PI4KA: variants seen among roughly 807,000 people sequenced by gnomAD.
PI4KA encodes PI4-kinase alpha.
Under a neutral mutation model 271.4 loss-of-function variants are expected in PI4KA, and 122 were observed. The observed-to-expected ratio is 0.45, with a 90% CI of 0.39 to 0.52. The LOEUF is 0.52. Ranked by LOEUF, PI4KA falls within the 20% of genes least tolerant of loss-of-function variation. The pLI is 0.00. For synonymous variants in PI4KA, 1,041 were observed against 1,078.8 expected, an observed-to-expected ratio of 0.96 and a Z score of 0.69; for missense variants, 1,969 against 2,769.1, an observed-to-expected ratio of 0.71 and a Z score of 6.48.
At chr22:20,805,302 T>C in intron 10 of PI4KA, 137 bp from the exon 11 acceptor site, 1 of 611,202 alleles carries the variant, frequency 1.6e-6, no homozygotes. Context: ...CTGTGGGTCC[T>C]AGAATGCCCA....
In PI4KA at chr22:20,729,372, C is replaced by T. The variant is rs1226240597; in HGVS notation, c.4623G>A (p.Lys1541=). The T allele has an allele frequency of 1.2e-6, 2 of 1,614,164 alleles. No individual in the cohort carries two copies. Among genetic ancestry groups the T allele is most frequent in the South Asian group, 1.1e-5 (1 of 91,076 alleles). Residue 1541 remains lysine (K), a synonymous_variant, in exon 39 of 55, where the codon AAG becomes AAA. Transcript: ENST00000255882. ...TGCTCCAGGCGAGGTTCACGTTGTC[C>T]TTCCACTGCTTCTCACTCAGGCTGA... is the stretch of plus-strand genomic sequence containing the variant. ...KYISLSEKQW[K]DNVNLAWSIS...
intron 1 of PI4KA, among the ~76,000 whole-genome samples, chr22:20,840,516 A>C (rs937592103): frequency 1.3e-5 from 2 of 152,236 alleles, no homozygotes; most frequent in Non-Finnish European, 2.9e-5. Context: ...TTGGAGGACA[A>C]GAGTGAAAAC....
intron 8 of PI4KA, among the ~76,000 whole-genome samples, chr22:20,812,004 C>A (rs1420908879): frequency 1.8e-5 from 2 of 113,608 alleles, no homozygotes; most frequent in Non-Finnish European, 3.3e-5. Flanking sequence ...CAGGGCGAGA[C>A]TCCATCTCAA....
chr22:20,828,211 C>A (rs2147734162), intron 3 of PI4KA, among the ~76,000 whole-genome samples: 1 of 152,256 alleles, frequency 6.6e-6, no homozygotes, highest in East Asian at 1.9e-4. Flanking sequence ...ATTTTGTATC[C>A]TGAAACTTTG....
At chr22:20,727,092 A>G in intron 41 of PI4KA, 138 bp downstream of exon 41, 1 of 667,910 alleles carries the variant, frequency 1.5e-6, no homozygotes, top group Non-Finnish European at 2.5e-6. Context: ...TTCTACAACT[A>G]CTTGAGCAAA....
chr22:20,722,444 C>T (rs889761427), intron 42 of PI4KA, among the ~76,000 whole-genome samples: 4 of 152,168 alleles, frequency 2.6e-5, no homozygotes, highest in Non-Finnish European at 5.9e-5. Context: ...ACCTCAACCT[C>T]CCAAAGTGCT....
chr22:20,747,066 C>T lies in PI4KA; in HGVS notation c.3363+517G>A, dbSNP rs568979529. Among the ~76,000 whole-genome samples, 6 of 152,326 alleles carry T rather than the reference C, an allele frequency of 3.9e-5. No homozygotes were observed. The South Asian group carries it at 1.2e-3, about 32-fold the overall frequency. ...TCACATGGCCAGGTGGAACTGCCTG[C>T]TTTAATCCTTTTTAACTCTTAGCTC... On this transcript the variant is annotated intron_variant, in intron 29 of 54. Coordinates refer to ENST00000255882, the MANE Select transcript of PI4KA (RefSeq NM_058004.4).
At chr22:20,766,674 A>G (rs536961300) in intron 19 of PI4KA, among the ~76,000 whole-genome samples, 21 of 152,298 alleles carry the variant, frequency 1.4e-4, no homozygotes, top group African/African-American at 5.1e-4. Context: ...TCAAAAAACC[A>G]AAAGGTTTAA....
In PI4KA at chr22:20,718,203, C is replaced by T. The variant is rs141704458; in HGVS notation, c.5247-425G>A. On this transcript the variant is annotated intron_variant, in intron 44 of 54. Coordinates refer to ENST00000255882, the MANE Select transcript of PI4KA (RefSeq NM_058004.4). ...TAAGCACTGGAGACAGCCCAGCCAG[C>T]GTGCCCAGCATTGATGACTCCAGGG... 4.4e-3 allele frequency among the ~76,000 whole-genome samples: 670 copies of T among 152,320 alleles called. 4 individuals carry two copies. The highest frequency in any genetic ancestry group is 6.8e-3 in the Non-Finnish European group (464 of 68,028).
chr22:20,765,183 G>C lies in PI4KA; in HGVS notation c.2491C>G (p.Pro831Ala), dbSNP rs1184600519. 1 of 1,613,790 alleles carries C rather than the reference G, an allele frequency of 6.2e-7. No individual in the cohort carries two copies. The highest frequency in any genetic ancestry group is 8.5e-7 in the Non-Finnish European group (1 of 1,179,738). Residue 831 changes from proline to alanine, a missense_variant, in exon 21 of 55, where the codon CCC becomes GCC. By Grantham distance (27) the Pro-to-Ala change is conservative. Around this residue, in one of 13 missense-constraint regions of PI4KA, gnomAD observed 368 missense variants for 544.3 expected, o/e 0.68. Coordinates refer to ENST00000255882, the MANE Select transcript of PI4KA (RefSeq NM_058004.4). ...TCCTTGCTGGGAAAGGTGAGCAAGGGGGACTTAGTGGCTATTTCACAGACC... is the reference window on the plus strand; with the variant it reads ...TCCTTGCTGGGAAAGGTGAGCAAGGCGGACTTAGTGGCTATTTCACAGACC... ...EGVCEIATKS[P>A]LLTFPSKEPL...
chr22:20,778,219 G>C (rs944830228), intron 19 of PI4KA, among the ~76,000 whole-genome samples: 17 of 152,104 alleles, frequency 1.1e-4, no homozygotes, highest in African/African-American at 4.1e-4. Flanking sequence ...AACAACCCCA[G>C]GTCAGGCGTG....
In PI4KA at chr22:20,830,119, CGAGTG is replaced by C. The variant is rs1923957981; in HGVS notation, c.367+4438_367+4442del. Among the ~76,000 whole-genome samples the C allele has an allele frequency of 2.0e-5, 3 of 152,232 alleles. No individual in the cohort carries two copies. In the South Asian group the frequency reaches 6.2e-4, roughly 32 times the overall value. ...AGAAGAATGTATATTCTGCTGCTTT[CGAGTG>C]GAGTGTTCTGTAGATATCTATTAGG... On this transcript the variant is annotated intron_variant, in intron 3 of 54. Coordinates refer to ENST00000255882, the MANE Select transcript of PI4KA (RefSeq NM_058004.4).
chr22:20,721,191 G>A (rs371931059), intron 43 of PI4KA, 107 bp downstream of exon 43: 246 of 1,164,184 alleles, frequency 2.1e-4, no homozygotes, highest in African/African-American at 2.0e-3. Flanking sequence ...TGGAGGGGTC[G>A]GTGAGCTGGG....
chr22:20,858,462 C>T (rs1432111367), intron 1 of PI4KA, 108 bp downstream of exon 1: 1 of 803,698 alleles, frequency 1.2e-6, no homozygotes, highest in African/African-American at 1.8e-5. Context: ...CCCGCACAGG[C>T]TGCCGGCGAG....
rs769854860 is a variant in PI4KA at position 20,813,416 on chromosome 22, C to T, written c.947G>A (p.Gly316Asp). 8 of 1,613,460 alleles carry T rather than the reference C, an allele frequency of 5.0e-6. No individual in the cohort carries two copies. Among genetic ancestry groups the T allele is most frequent in the Non-Finnish European group, 6.8e-6 (8 of 1,179,562 alleles). Reference sequence around the variant, plus strand: ...AATGTTAAACTCCTTATATGTGACACCGTTGAAAAGGGGAGAGACTGAGAA... The same window carrying T: ...AATGTTAAACTCCTTATATGTGACATCGTTGAAAAGGGGAGAGACTGAGAA... The part of the protein sequence containing the change: ...SSFSVSPLFN[G>D]VTYKEFNIPL... The change falls in exon 8 of 55, where the codon GGT (glycine) becomes GAT (aspartate). Residue 316 changes from glycine to aspartate, a missense_variant. Physicochemically the swap from Gly to Asp is moderately conservative, Grantham distance 94. Around this residue, in one of 13 missense-constraint regions of PI4KA, gnomAD observed 540 missense variants for 555.5 expected, o/e 0.97. Transcript: ENST00000255882.
chr22:20,718,974 G>T, intron 43 of PI4KA, 152 bp from the exon 44 acceptor site: 6 of 831,492 alleles, frequency 7.2e-6, no homozygotes, highest in Non-Finnish European at 1.1e-5. Context: ...TGCCCCTTTT[G>T]CTGTGTTGAC....
In PI4KA at chr22:20,707,829, C is replaced by G. The variant is rs1282149282; in HGVS notation, c.*218G>C. On this transcript the variant is annotated 3_prime_UTR_variant, in exon 55 of 55. Coordinates refer to ENST00000255882, the MANE Select transcript of PI4KA (RefSeq NM_058004.4). Reference sequence around the variant, plus strand: ...TCCAGTGCAAACAGAGGACTCACACCTGTGCATAGACAGCACCATCCATTG... The same window carrying G: ...TCCAGTGCAAACAGAGGACTCACACGTGTGCATAGACAGCACCATCCATTG... 12 of 639,506 alleles carry G rather than the reference C, an allele frequency of 1.9e-5. No individual in the cohort carries two copies. The highest frequency in any genetic ancestry group is 3.4e-5 in the Non-Finnish European group (12 of 349,568). 39.6% of individuals were successfully genotyped at this position (639,506 alleles called of 1,614,324 possible).
At chr22:20,816,143 T>C (rs938341884) in intron 7 of PI4KA, among the ~76,000 whole-genome samples, 1 of 152,126 alleles carries the variant, frequency 6.6e-6, no homozygotes, top group Non-Finnish European at 1.5e-5. Flanking sequence ...TTTTGCCATG[T>C]TGGCCAGGCT....
chr22:20,735,336 C>A (rs1166147132), intron 32 of PI4KA, among the ~76,000 whole-genome samples: 2 of 150,266 alleles, frequency 1.3e-5, no homozygotes, highest in African/African-American at 4.9e-5. Context: ...GCACCAGCTT[C>A]TACAAGGGCT....
Sources: allele counts gnomAD v4.1 joint callset (sites outside exome capture counted in the v4.1 genomes callset), GRCh38; gene constraint gnomAD v4.1.1; regional missense constraint gnomAD v4.1.1; transcripts MANE v1.5; gene names NCBI Gene and HGNC (gene_info 2026-07-23, HGNC 2026-07-21).